WNT7A: variants seen among roughly 807,000 people sequenced by gnomAD.
WNT7A encodes Wnt family member 7A.
In WNT7A, 16 loss-of-function variants were observed where a neutral mutation model predicts 28.2. That is an observed-to-expected ratio of 0.57 (90% CI 0.38 to 0.86). WNT7A has a LOEUF of 0.86. Ranked by LOEUF, WNT7A falls within the 40% of genes least tolerant of loss-of-function variation. WNT7A has a pLI of 0.00. For missense variants in WNT7A, 411 were observed against 489.7 expected, an observed-to-expected ratio of 0.84 and a Z score of 1.52; for synonymous variants, 190 against 195.9, an observed-to-expected ratio of 0.97 and a Z score of 0.25.
chr3:13,820,518 G>A (rs562114296), intron 3 of WNT7A, among the ~76,000 whole-genome samples: 1 of 152,064 alleles, frequency 6.6e-6, no homozygotes, highest in Non-Finnish European at 1.5e-5. Context: ...TGGCCACTTA[G>A]TTCCCATGTG....
At chr3:13,824,716 A>G (rs1353727486) in intron 3 of WNT7A, among the ~76,000 whole-genome samples, 3 of 152,282 alleles carry the variant, frequency 2.0e-5, no homozygotes, top group East Asian at 3.9e-4. Context: ...GGCCCTGCAC[A>G]TGCTGTTCCT....
At chr3:13,862,058 G>A (rs1449736892) in intron 2 of WNT7A, among the ~76,000 whole-genome samples, 2 of 152,204 alleles carry the variant, frequency 1.3e-5, no homozygotes, top group Non-Finnish European at 2.9e-5. Flanking sequence ...CACTGGGGGA[G>A]CCCCAAGCAA....
chr3:13,848,908 C>T (rs1011850260), intron 3 of WNT7A, among the ~76,000 whole-genome samples: 4 of 152,196 alleles, frequency 2.6e-5, no homozygotes, highest in Admixed American at 2.6e-4. Flanking sequence ...GAATACTACT[C>T]AGCAAGGTAA....
chr3:13,850,037 C>T (rs1291718499), intron 3 of WNT7A, among the ~76,000 whole-genome samples: 1 of 152,228 alleles, frequency 6.6e-6, no homozygotes, highest in East Asian at 1.9e-4. Flanking sequence ...GAAACCAAGG[C>T]CCTGAAAGGC....
Position 13,819,176 on chromosome 3 carries a change from T to G in WNT7A, c.818A>C (p.Lys273Thr), listed in dbSNP as rs981131554. Residue 273 changes from lysine (K) to threonine (T), a missense_variant, in exon 4 of 4, where the codon AAG becomes ACG. Physicochemically the swap from Lys to Thr is moderately conservative, Grantham distance 78. Coordinates refer to ENST00000285018, the MANE Select transcript of WNT7A (RefSeq NM_004625.4). ...GTCCTCCTCGCAGTAGTTGGGCGAC[T>G]TCTCGATGTACACCAGGTCCGTGTC... ...PMDTDLVYIE[K>T]SPNYCEEDPV... is the part of the protein sequence containing the mutation. The G allele has an allele frequency of 1.2e-6, 2 of 1,614,112 alleles. No individual in the cohort carries two copies. The highest frequency in any genetic ancestry group is 1.7e-6 in the Non-Finnish European group (2 of 1,180,042).
intron 3 of WNT7A, among the ~76,000 whole-genome samples, chr3:13,840,268 C>T (rs1575064336): frequency 6.6e-6 from 1 of 152,184 alleles, no homozygotes; most frequent in African/African-American, 2.4e-5. Flanking sequence ...TCTCATCCTG[C>T]TTTGTTTGTT....
At chr3:13,819,539 G>GT in intron 3 of WNT7A, 116 bp from the exon 4 acceptor site, 2 of 1,382,148 alleles carry the variant, frequency 1.4e-6, no homozygotes, top group Non-Finnish European at 1.9e-6. Flanking sequence ...TCTGGCTTTA[G>GT]TTTTTTCTTT....
At chr3:13,825,472 C>T (rs955753588) in intron 3 of WNT7A, among the ~76,000 whole-genome samples, 2 of 152,192 alleles carry the variant, frequency 1.3e-5, no homozygotes, top group African/African-American at 4.8e-5. Context: ...AAAGAAAAAA[C>T]AAAAAGCCCT....
chr3:13,850,622 G>C (rs1333673493), intron 3 of WNT7A, among the ~76,000 whole-genome samples: 1 of 152,048 alleles, frequency 6.6e-6, no homozygotes, highest in East Asian at 1.9e-4. Context: ...CCCATCCCCA[G>C]GGCTGCCTCT....
At chr3:13,860,253 T>C (rs1694807075) in intron 2 of WNT7A, among the ~76,000 whole-genome samples, 2 of 152,110 alleles carry the variant, frequency 1.3e-5, no homozygotes, top group South Asian at 4.1e-4. Flanking sequence ...GTCACCCAGC[T>C]AGAAACTGGC....
intron 2 of WNT7A, among the ~76,000 whole-genome samples, chr3:13,864,209 T>C (rs1363275757): frequency 2.0e-5 from 3 of 152,166 alleles, no homozygotes; most frequent in Admixed American, 6.5e-5. Flanking sequence ...GTGCAAAGAA[T>C]TTGATTATCT....
At chr3:13,849,091 G>A (rs1694588417) in intron 3 of WNT7A, among the ~76,000 whole-genome samples, 1 of 152,208 alleles carries the variant, frequency 6.6e-6, no homozygotes, top group South Asian at 2.1e-4. Context: ...TTCGGAAGGG[G>A]AAGGGAAGTA....
At chr3:13,828,044 T>C (rs1694224362) in intron 3 of WNT7A, among the ~76,000 whole-genome samples, 1 of 152,108 alleles carries the variant, frequency 6.6e-6, no homozygotes, top group East Asian at 1.9e-4. Context: ...AGTGAGACCT[T>C]GGAGCTTTGC....
intron 2 of WNT7A, among the ~76,000 whole-genome samples, chr3:13,872,581 CTCTCTTTGCTGGAA>C (rs1695042511): frequency 6.6e-6 from 1 of 152,172 alleles, no homozygotes; most frequent in African/African-American, 2.4e-5. Flanking sequence ...TCTTGGGCAC[CTCTCTTTGCTGGAA>C]TTCCCCCAGC....
chr3:13,856,880 G>GGAAGAAGAAGAAGAAAAAGAA (rs1491101426), intron 2 of WNT7A, among the ~76,000 whole-genome samples: 1 of 91,670 alleles, frequency 1.1e-5, no homozygotes, highest in Non-Finnish European at 2.1e-5. Flanking sequence ...AGGAAGAAGA[G>GGAAGAAGAAGAAGAAAAAGAA]GAAGAAGAAG....
At position 13,817,694 on chromosome 3, in the gene WNT7A, A is replaced by G. The variant is rs1559292500; in HGVS notation, c.*1250T>C. 1 of 152,206 alleles carries G rather than the reference A, an allele frequency of 6.6e-6. No individual in the cohort carries two copies. Among genetic ancestry groups the G allele is most frequent in the Non-Finnish European group, 1.5e-5 (1 of 68,068 alleles). 9.4% of individuals were successfully genotyped at this position (152,206 alleles called of 1,614,324 possible). A position where few individuals can be genotyped will look rare whatever the true frequency, so the allele number is the denominator to read the frequency against. On this transcript the variant is annotated 3_prime_UTR_variant, in exon 4 of 4. Transcript: ENST00000285018. ...TTGGGTCACCTCACCTGAGGACTAC[A>G]TCTCACCTTCCAGGACACGCAGGCA...
At chr3:13,876,836 C>G (rs1300487006) in intron 1 of WNT7A, 1 of 152,270 alleles carries the variant, frequency 6.6e-6, no homozygotes, top group Non-Finnish European at 1.5e-5. Context: ...ACCAGCCCAG[C>G]TAAGGGCTCC....
At chr3:13,845,081 C>T (rs978601062) in intron 3 of WNT7A, among the ~76,000 whole-genome samples, 1 of 152,214 alleles carries the variant, frequency 6.6e-6, no homozygotes, top group African/African-American at 2.4e-5. Flanking sequence ...CGCCATGCTG[C>T]CCCCTCCCCA....
rs1491270987 is a variant in WNT7A, at chr3:13,818,350, G to GAAAAAAAAAAAAAAAAAAAAAAAAAAAAA, written c.*593_*594insTTTTTTTTTTTTTTTTTTTTTTTTTTTTT. ...ATTTCTGGATAAGTAGCAGCAAACA[G>GAAAAAAAAAAAAAAAAAAAAAAAAAAAAA]CAAAAAAAAAAAAAAAAATGTGTGT... On this transcript the variant is annotated 3_prime_UTR_variant, in exon 4 of 4. Coordinates refer to ENST00000285018, the MANE Select transcript of WNT7A (RefSeq NM_004625.4). The GAAAAAAAAAAAAAAAAAAAAAAAAAAAAA allele has an allele frequency of 5.5e-5, 1 of 18,162 alleles. No homozygotes were observed. The highest frequency in any genetic ancestry group is 4.6e-4 in the African/African-American group (1 of 2,168). The allele number at this position is 18,162 out of a possible 1,614,324, so 1.1% of individuals were successfully genotyped here.
Sources: allele counts gnomAD v4.1 joint callset (sites outside exome capture counted in the v4.1 genomes callset), GRCh38; gene constraint gnomAD v4.1.1; transcripts MANE v1.5; gene names NCBI Gene and HGNC (gene_info 2026-07-23, HGNC 2026-07-21).